SMYD5: variants seen among roughly 807,000 people sequenced by gnomAD.
SMYD5 encodes the protein SMYD family member 5.
SMYD5 carries 35 observed loss-of-function variants against 57.4 expected under a neutral mutation model. That is an observed-to-expected ratio of 0.61 (90% CI 0.47 to 0.81). The LOEUF (loss-of-function observed/expected upper bound fraction) is 0.81. SMYD5 is among the 30% of genes least tolerant of loss of function. SMYD5 has a pLI of 0.00. For synonymous variants in SMYD5, 198 were observed against 189.7 expected, an observed-to-expected ratio of 1.04 and a Z score of -0.36; for missense variants, 471 against 527.9, an observed-to-expected ratio of 0.89 and a Z score of 1.06.
At chr2:73,216,061 T>C (rs577217080) in intron 1 of SMYD5, among the ~76,000 whole-genome samples, 1 of 152,342 alleles carries the variant, frequency 6.6e-6, no homozygotes, top group Non-Finnish European at 1.5e-5. Context: ...GGGAGTAGTT[T>C]TTGACTACTG....
rs1212840739 is a variant in SMYD5, at chr2:73,221,942, C to G, written c.642+12C>G. 1 of 1,531,014 alleles carries G rather than the reference C, an allele frequency of 6.5e-7. No individual in the cohort carries two copies. Among genetic ancestry groups the G allele is most frequent in the African/African-American group, 1.4e-5 (1 of 73,250 alleles). The allele number at this position is 1,531,014 out of a possible 1,614,324, so 94.8% of individuals were successfully genotyped here. On this transcript the variant is annotated intron_variant, in intron 6 of 12. Transcript: ENST00000389501. ...GAGACAAATTCAAGGTTATTATTCT[C>G]CCGTGGCCTGTCTCCTTCCCTCCCC...
chr2:73,221,482 G>A (rs999066931), intron 5 of SMYD5, among the ~76,000 whole-genome samples: 5 of 145,732 alleles, frequency 3.4e-5, no homozygotes, highest in Non-Finnish European at 5.9e-5. Flanking sequence ...TAGTATGCCT[G>A]TAGTTTCTGA....
Position 73,223,934 on chromosome 2 carries a change from T to G in SMYD5, c.884-13T>G. On this transcript the variant is annotated splice_polypyrimidine_tract_variant and intron_variant, in intron 9 of 12. Coordinates refer to ENST00000389501, the MANE Select transcript of SMYD5 (RefSeq NM_006062.3). ...AATGGGTAGAATAATGTGTGTGTAT[T>G]ACTGTCTTACAGCAACTGGAGAGTT... 1 of 1,612,946 alleles carries G rather than the reference T, an allele frequency of 6.2e-7. No homozygotes were observed. The highest frequency in any genetic ancestry group is 8.5e-7 in the Non-Finnish European group (1 of 1,178,892).
In SMYD5 at chr2:73,223,956, A is replaced by G. The variant is rs200366462; in HGVS notation, c.893A>G (p.Glu298Gly). The G allele has an allele frequency of 1.9e-6, 3 of 1,613,802 alleles. No individual in the cohort carries two copies. Among genetic ancestry groups the G allele is most frequent in the Non-Finnish European group, 2.5e-6 (3 of 1,179,838 alleles). ...TATTACTGTCTTACAGCAACTGGAG[A>G]GTTTCTTAACTGTGAAGGATCTGGC... The part of the protein sequence containing the change: ...LYKDIEAATG[E>G]FLNCEGSGLF... The change falls in exon 10 of 13, where the codon GAG (glutamate) becomes GGG (glycine). Residue 298 changes from glutamate (E) to glycine (G), a missense_variant. Coordinates refer to ENST00000389501, the MANE Select transcript of SMYD5 (RefSeq NM_006062.3).
chr2:73,222,106 C>T (rs1044961595), intron 6 of SMYD5, among the ~76,000 whole-genome samples, 176 bp downstream of exon 6: 1 of 152,166 alleles, frequency 6.6e-6, no homozygotes, highest in Non-Finnish European at 1.5e-5. Flanking sequence ...TTCATGACCT[C>T]ATGTGGACCT....
intron 1 of SMYD5, chr2:73,214,680 G>A (rs1558550236): frequency 7.0e-7 from 1 of 1,426,262 alleles, no homozygotes; most frequent in Non-Finnish European, 9.4e-7. Context: ...CGGTGGGCGG[G>A]GATGTGCCGG....
intron 1 of SMYD5, 111 bp downstream of exon 1, chr2:73,214,473 C>G: frequency 6.5e-7 from 1 of 1,538,344 alleles, no homozygotes; most frequent in Non-Finnish European, 8.7e-7. Flanking sequence ...TCGGACGCTA[C>G]GGCCCTGCCC....
chr2:73,218,690 T>G (rs1303602413), intron 1 of SMYD5, among the ~76,000 whole-genome samples, 171 bp from the exon 2 acceptor site: 1 of 152,192 alleles, frequency 6.6e-6, no homozygotes, highest in African/African-American at 2.4e-5. Flanking sequence ...GAGCTGTATT[T>G]CCAGAGGAGA....
In SMYD5 at chr2:73,223,094, G is replaced by GC; in HGVS notation, c.764_765insC (p.Ile256AsnfsTer14). Reference sequence around the variant, plus strand: ...GCTCTTGTTGGGACCAATGGCCAAGGAATCGGGACCAGGTTAGAATGTTCC... The same window carrying GC: ...GCTCTTGTTGGGACCAATGGCCAAGGCAATCGGGACCAGGTTAGAATGTTCC... On this transcript the variant is annotated frameshift_variant, in exon 8 of 13. Transcript: ENST00000389501. LOFTEE classifies it high-confidence loss of function. The GC allele has an allele frequency of 6.2e-7, 1 of 1,613,994 alleles. No individual in the cohort carries two copies. The highest frequency in any genetic ancestry group is 8.5e-7 in the Non-Finnish European group (1 of 1,179,838).
intron 1 of SMYD5, chr2:73,214,735 A>C: frequency 7.5e-7 from 1 of 1,332,410 alleles, no homozygotes; most frequent in South Asian, 1.2e-5. Flanking sequence ...CACGAACTTC[A>C]TGTGTGAGAT....
chr2:73,224,869 A>C lies in SMYD5; in HGVS notation c.944A>C (p.Asn315Thr). The C allele has an allele frequency of 6.2e-7, 1 of 1,612,358 alleles. No homozygotes were observed. Among genetic ancestry groups the C allele is most frequent in the Non-Finnish European group, 8.5e-7 (1 of 1,178,918 alleles). Residue 315 changes from asparagine (N) to threonine (T), a missense_variant, in exon 11 of 13, where the codon AAC becomes ACC. Coordinates refer to ENST00000389501, the MANE Select transcript of SMYD5 (RefSeq NM_006062.3). ...TTACCTGCCTCTTATGATCCAGGCA[A>C]CCACAGTTGTGTGCCCAATGCAGAG... is the stretch of plus-strand genomic sequence containing the variant. ...SGLFVLQSCCNHSCVPNAETS... is the reference protein window; with the variant it reads ...SGLFVLQSCCTHSCVPNAETS...
At position 73,226,096 on chromosome 2, in the gene SMYD5, A is replaced by C; in HGVS notation, c.*150A>C. On this transcript the variant is annotated 3_prime_UTR_variant, in exon 13 of 13. Transcript: ENST00000389501. ...TGCTAGAGGGTAGGAGAGAGCCTGG[A>C]TCTCTGGCCCCAACCCCCACCAGAC... 7 of 1,116,308 alleles carry C rather than the reference A, an allele frequency of 6.3e-6. No homozygotes were observed. Among genetic ancestry groups the C allele is most frequent in the Non-Finnish European group, 8.7e-6 (7 of 806,412 alleles). The allele number at this position is 1,116,308 out of a possible 1,614,324, so 69.2% of individuals were successfully genotyped here.
At chr2:73,223,845 G>A in intron 9 of SMYD5, 102 bp from the exon 10 acceptor site, 1 of 1,053,802 alleles carries the variant, frequency 9.5e-7, no homozygotes, top group Non-Finnish European at 1.5e-6. Context: ...AGTGTGGTGG[G>A]GTTGCAGGAC....
At position 73,224,853 on chromosome 2, in the gene SMYD5, T is replaced by G. The variant is rs984920968; in HGVS notation, c.941-13T>G. 13 of 1,602,912 alleles carry G rather than the reference T, an allele frequency of 8.1e-6. No homozygotes were observed. Among genetic ancestry groups the G allele is most frequent in the Non-Finnish European group, 1.1e-5 (13 of 1,171,794 alleles). On this transcript the variant is annotated splice_polypyrimidine_tract_variant and intron_variant, in intron 10 of 12. Coordinates refer to ENST00000389501, the MANE Select transcript of SMYD5 (RefSeq NM_006062.3). ...TAGTCAATAATCCTCATTACCTGCC[T>G]CTTATGATCCAGGCAACCACAGTTG... is the stretch of plus-strand genomic sequence containing the variant.
chr2:73,220,316 A>G (rs1686361016), intron 3 of SMYD5, 126 bp downstream of exon 3: 2 of 1,041,296 alleles, frequency 1.9e-6, no homozygotes, highest in African/African-American at 3.2e-5. Context: ...AATGTAGGAT[A>G]AGATGTTGAA....
In SMYD5 at chr2:73,223,522, C is replaced by T; in HGVS notation, c.873C>T (p.Asp291=). The change falls in exon 9 of 13, where the codon GAC becomes GAT. Residue 291 remains aspartate, a synonymous_variant. Coordinates refer to ENST00000389501, the MANE Select transcript of SMYD5 (RefSeq NM_006062.3). ...CCTTCATTGACCAGCTATACAAGGA[C>T]ATCGAGGCAGGTTGGTGAGATAGGG... ...LDAFIDQLYK[D]IEAATGEFLN... 6.2e-7 allele frequency: 1 copy of T among 1,612,780 alleles called. No individual in the cohort carries two copies. Among genetic ancestry groups the T allele is most frequent in the Non-Finnish European group, 8.5e-7 (1 of 1,178,750 alleles).
At position 73,226,210 on chromosome 2, in the gene SMYD5, A is replaced by C; in HGVS notation, c.*264A>C. ...ACTGGCCTCCCCTTGAGGTTCCTCC[A>C]CTCTAGGGTTTGAGGGGCTGGAATC... On this transcript the variant is annotated 3_prime_UTR_variant, in exon 13 of 13. Transcript: ENST00000389501. 2.0e-6 allele frequency: 1 copy of C among 492,208 alleles called. No homozygotes were observed. Among genetic ancestry groups the C allele is most frequent in the Non-Finnish European group, 3.6e-6 (1 of 279,190 alleles). 30.5% of individuals were successfully genotyped at this position (492,208 alleles called of 1,614,324 possible). A position where few individuals can be genotyped will look rare whatever the true frequency, so the allele number is the denominator to read the frequency against.
rs1686493286 is a variant in SMYD5, at chr2:73,225,899, GGA to G, written c.1214_1215del (p.Glu405AlafsTer9). On this transcript the variant is annotated frameshift_variant, in exon 13 of 13. Coordinates refer to ENST00000389501, the MANE Select transcript of SMYD5 (RefSeq NM_006062.3). LOFTEE classifies it high-confidence loss of function. The stretch of plus-strand genomic sequence containing the variant: ...AGAGGAAGAGGAGGAGGAGGAGGAA[GGA>G]GAGCCAGAAGATGCAGAGCTGGGGG... ...EEEEEEEEEE[G>X]EPEDAELGDE... 1 of 1,614,134 alleles carries G rather than the reference GGA, an allele frequency of 6.2e-7. No individual in the cohort carries two copies. Among genetic ancestry groups the G allele is most frequent in the Admixed American group, 1.7e-5 (1 of 60,014 alleles).
Position 73,226,194 on chromosome 2 carries a change from C to T in SMYD5, c.*248C>T. ...CACTGAGCCTTTCACAACTGGCCTCCCCTTGAGGTTCCTCCACTCTAGGGT... is the reference window on the plus strand; with the variant it reads ...CACTGAGCCTTTCACAACTGGCCTCTCCTTGAGGTTCCTCCACTCTAGGGT... On this transcript the variant is annotated 3_prime_UTR_variant, in exon 13 of 13. Transcript: ENST00000389501. 1 of 537,616 alleles carries T rather than the reference C, an allele frequency of 1.9e-6. No individual in the cohort carries two copies. The highest frequency in any genetic ancestry group is 3.3e-6 in the Non-Finnish European group (1 of 306,210). 33.3% of individuals were successfully genotyped at this position (537,616 alleles called of 1,614,324 possible).
Sources: gnomAD v4.1 joint callset for allele counts (sites outside exome capture counted in the v4.1 genomes callset) on GRCh38, gnomAD v4.1.1 for gene constraint, MANE v1.5 for transcripts, NCBI Gene and HGNC (gene_info 2026-07-23, HGNC 2026-07-21) for gene names.